Variants in SH3TC1 observed in about 807,000 individuals in gnomAD.
The protein encoded by SH3TC1 is SH3 domain and tetratricopeptide repeats 1, also known as SH3 domain and tetratricopeptide repeat-containing protein 1.
In SH3TC1, 135 loss-of-function variants were observed where a neutral mutation model predicts 117.3. The ratio of observed to expected loss-of-function variants is 1.15; its 90% CI spans 1.00 to 1.33. The LOEUF (loss-of-function observed/expected upper bound fraction) is 1.33, where lower values mean the gene tolerates loss of function less well. Ranked by LOEUF, SH3TC1 falls within the 40% of genes most tolerant of loss-of-function variation. SH3TC1 has a pLI of 0.00. For synonymous variants in SH3TC1, 898 were observed against 816.9 expected, an observed-to-expected ratio of 1.10 and a Z score of -1.69; for missense variants, 2,092 against 1,794.3, an observed-to-expected ratio of 1.17 and a Z score of -3.00.
chr4:8,203,985 G>A (rs879668694), intron 1 of SH3TC1, among the ~76,000 whole-genome samples: 38 of 152,200 alleles, frequency 2.5e-4, no homozygotes, highest in Non-Finnish European at 5.0e-4. Context: ...CCCCAGCCTC[G>A]TGGGCCCATC....
Position 8,228,016 on chromosome 4 carries a change from C to T in SH3TC1, c.2322C>T (p.Ala774=). 3 of 1,611,230 alleles carry T rather than the reference C, an allele frequency of 1.9e-6. No homozygotes were observed. Among genetic ancestry groups the T allele is most frequent in the Non-Finnish European group, 2.5e-6 (3 of 1,178,974 alleles). ...CCCACTACCTCAGGCAAGCGCTGGC[C>T]TCCCTGACCCCGGGCACAGGCCAGG... ...QTSHYLRQAL[A]SLTPGTGQAL... Residue 774 remains alanine (A), a synonymous_variant, in exon 12 of 18, where the codon GCC becomes GCT. Coordinates refer to ENST00000245105, the MANE Select transcript of SH3TC1 (RefSeq NM_018986.5).
chr4:8,194,346 C>A (rs567245869), upstream of SH3TC1, among the ~76,000 whole-genome samples: 1 of 152,324 alleles, frequency 6.6e-6, no homozygotes, highest in South Asian at 2.1e-4. Context: ...CAGAAAAAGT[C>A]TGAAGGCGCA....
At position 8,231,996 on chromosome 4, in the gene SH3TC1, C is replaced by T. The variant is rs761154989; in HGVS notation, c.2971C>T (p.Arg991Trp). The T allele has an allele frequency of 1.2e-4, 200 of 1,612,028 alleles. 2 individuals are homozygous for T. Among genetic ancestry groups the T allele is most frequent in the South Asian group, 1.0e-3 (94 of 91,082 alleles). ...HVESQLRAVQ[R>W]LCHFYSAVMP... Reference sequence around the variant, plus strand: ...CCCAGGCCAGCTGCGGGCCGTCCAGCGGCTGTGCCACTTCTACAGCGCCGT... The same window carrying T: ...CCCAGGCCAGCTGCGGGCCGTCCAGTGGCTGTGCCACTTCTACAGCGCCGT... The change falls in exon 13 of 18, where the codon CGG (arginine) becomes TGG (tryptophan). Residue 991 changes from arginine (R) to tryptophan (W), a missense_variant. Transcript: ENST00000245105.
At chr4:8,224,032 C>A (rs898104018) in intron 10 of SH3TC1, among the ~76,000 whole-genome samples, 2 of 120,548 alleles carry the variant, frequency 1.7e-5, no homozygotes, top group Admixed American at 1.8e-4. Context: ...TGCACACATG[C>A]ACTCACAAGT....
In SH3TC1 at chr4:8,228,564, C is replaced by G; in HGVS notation, c.2870C>G (p.Thr957Ser). ...CTCCTGCAGCTGGGCCATCTCTGCA[C>G]CCGCCAGGGCCCGGCCCAGCAGGGC... ...HVLLQLGHLC[T>S]RQGPAQQGKG... Residue 957 changes from threonine (T) to serine (S), a missense_variant, in exon 12 of 18, where the codon ACC becomes AGC. Coordinates refer to ENST00000245105, the MANE Select transcript of SH3TC1 (RefSeq NM_018986.5). 6.3e-7 allele frequency: 1 copy of G among 1,598,936 alleles called. No homozygotes were observed. The highest frequency in any genetic ancestry group is 8.5e-7 in the Non-Finnish European group (1 of 1,173,660).
chr4:8,217,585 G>A (rs1162886970), intron 7 of SH3TC1, among the ~76,000 whole-genome samples: 1 of 152,230 alleles, frequency 6.6e-6, no homozygotes, highest in African/African-American at 2.4e-5. Flanking sequence ...GAAGCGGGGG[G>A]CATTAACTTG....
intron 13 of SH3TC1, 82 bp from the exon 14 acceptor site, chr4:8,233,281 T>C: frequency 6.6e-7 from 1 of 1,515,578 alleles, no homozygotes; most frequent in Non-Finnish European, 8.8e-7. Flanking sequence ...TCCAGATTCA[T>C]CTGTCACCAG....
intron 13 of SH3TC1, chr4:8,232,460 A>T: frequency 6.8e-7 from 1 of 1,474,900 alleles, no homozygotes; most frequent in Non-Finnish European, 9.1e-7. Flanking sequence ...TGTTCTTCCT[A>T]CCTGGTGGCT....
chr4:8,205,790 T>C lies in SH3TC1; in HGVS notation c.172+424T>C, dbSNP rs1232275161. On this transcript the variant is annotated intron_variant, in intron 2 of 17. Transcript: ENST00000245105. This position sits in a 1 kb window ranked among gnomAD's most constrained non-coding sequence, Gnocchi z 5.4. Reference sequence around the variant, plus strand: ...AGGGCCGGGCCAGGCCACCCTGTGGTCAGGGGCCGGGCCAGGACGTGTGCC... The same window carrying C: ...AGGGCCGGGCCAGGCCACCCTGTGGCCAGGGGCCGGGCCAGGACGTGTGCC... The C allele has an allele frequency of 4.8e-6, 3 of 622,004 alleles. No homozygotes were observed. The highest frequency in any genetic ancestry group is 2.6e-5 in the Admixed American group (1 of 38,484). The allele number at this position is 622,004 out of a possible 1,614,324, so 38.5% of individuals were successfully genotyped here.
At chr4:8,217,265 G>GACAGACCT in intron 7 of SH3TC1, 98 bp downstream of exon 7, 1 of 1,463,438 alleles carries the variant, frequency 6.8e-7, no homozygotes, top group East Asian at 2.5e-5. Flanking sequence ...GGGAATGGTG[G>GACAGACCT]GGGCCCCGGA....
In SH3TC1 at chr4:8,236,321, C is replaced by T. The variant is rs112207455; in HGVS notation, c.3449C>T (p.Ala1150Val). The change falls in exon 16 of 18, where the codon GCG (alanine) becomes GTG (valine). Residue 1150 changes from alanine to valine, a missense_variant. Ala to Val is a moderately conservative substitution (Grantham distance 64, BLOSUM62 0). Transcript: ENST00000245105. Reference protein sequence around the residue: ...PLAVTTGNRKAELRLCNKLVA... With the variant: ...PLAVTTGNRKVELRLCNKLVA... ...GCAGTGACTACGGGCAACCGCAAGG[C>T]GGAGCTGCGGCTGTGCAACAAGCTG... is the stretch of plus-strand genomic sequence containing the variant. 6.4e-4 allele frequency: 1,001 copies of T among 1,554,360 alleles called. 3 individuals carry two copies. The highest frequency in any genetic ancestry group is 5.5e-3 in the African/African-American group (406 of 73,514).
chr4:8,194,523 G>T (rs1269084750), upstream of SH3TC1, among the ~76,000 whole-genome samples: 3 of 152,194 alleles, frequency 2.0e-5, no homozygotes, highest in Non-Finnish European at 4.4e-5. Context: ...TCTGGTCAGG[G>T]TGGCTTGTTT....
At chr4:8,224,752 C>A in intron 10 of SH3TC1, 1 of 178,550 alleles carries the variant, frequency 5.6e-6, no homozygotes, top group East Asian at 1.6e-4. Flanking sequence ...GGACTCAGAG[C>A]TGCTGCCTGT....
chr4:8,239,130 T>A (rs1722085642), intron 17 of SH3TC1, among the ~76,000 whole-genome samples: 1 of 152,196 alleles, frequency 6.6e-6, no homozygotes, highest in African/African-American at 2.4e-5. Flanking sequence ...TTAGTCTACA[T>A]GTGAGAGTGA....
In SH3TC1 at chr4:8,215,953, G is replaced by A. The variant is rs561252714; in HGVS notation, c.482-158G>A. On this transcript the variant is annotated intron_variant, in intron 5 of 17. Coordinates refer to ENST00000245105, the MANE Select transcript of SH3TC1 (RefSeq NM_018986.5). Reference sequence around the variant, plus strand: ...GTGGTCAGGCCGTGGGCTGCTGTGTGTAGCCAGCACTGTGGGCACCCCAGG... The same window carrying A: ...GTGGTCAGGCCGTGGGCTGCTGTGTATAGCCAGCACTGTGGGCACCCCAGG... Among the ~76,000 whole-genome samples the A allele has an allele frequency of 3.3e-3, 503 of 152,342 alleles. 1 individual carries two copies. The highest frequency in any genetic ancestry group is 6.8e-3 in the Middle Eastern group (2 of 294).
Position 8,235,454 on chromosome 4 carries a change from T to C in SH3TC1, c.3304T>C (p.Tyr1102His), listed in dbSNP as rs1721718922. The C allele has an allele frequency of 6.3e-7, 1 of 1,590,340 alleles. No homozygotes were observed. The change falls in exon 15 of 18, where the codon TAC (tyrosine) becomes CAC (histidine). Residue 1102 changes from tyrosine to histidine, a missense_variant. Coordinates refer to ENST00000245105, the MANE Select transcript of SH3TC1 (RefSeq NM_018986.5). ...YIQVAQNVAL[Y>H]TGDPNLGLEL... The stretch of plus-strand genomic sequence containing the variant: ...TCAGGTGGCACAGAACGTGGCCCTG[T>C]ACACAGGCGACCCCAACCTGGGGCT...
intron 10 of SH3TC1, among the ~76,000 whole-genome samples, chr4:8,223,710 G>A (rs370886474): frequency 2.3e-4 from 34 of 149,170 alleles, no homozygotes; most frequent in African/African-American, 7.2e-4. Context: ...TCGGCTCACT[G>A]CAACCTCTGC....
At position 8,225,125 on chromosome 4, in the gene SH3TC1, C is replaced by G. The variant is rs1469909392; in HGVS notation, c.1244-50C>G. The G allele has an allele frequency of 6.2e-7, 1 of 1,609,768 alleles. No individual in the cohort carries two copies. Among genetic ancestry groups the G allele is most frequent in the South Asian group, 1.1e-5 (1 of 90,468 alleles). The stretch of plus-strand genomic sequence containing the variant: ...ACACTAGCTCAACCTGGCAGGGGAC[C>G]AGAGGTACTGGCTGGGGGTGTTGAT... On this transcript the variant is annotated intron_variant, in intron 10 of 17. Coordinates refer to ENST00000245105, the MANE Select transcript of SH3TC1 (RefSeq NM_018986.5). The surrounding 1 kb of genome is among the most constrained non-coding windows in gnomAD (Gnocchi z 5.5).
rs574037284 is a variant in SH3TC1, at chr4:8,210,512, C to G, written c.247+690C>G. On this transcript the variant is annotated intron_variant, in intron 3 of 17. Coordinates refer to ENST00000245105, the MANE Select transcript of SH3TC1 (RefSeq NM_018986.5). This position sits in a 1 kb window ranked among gnomAD's most constrained non-coding sequence, Gnocchi z 4.1. The stretch of plus-strand genomic sequence containing the variant: ...GCAGGCTGGGCGCGGTGGCTCACGC[C>G]TGTAATCCCAGCACTTTGGGAGGCC... Among the ~76,000 whole-genome samples the G allele has an allele frequency of 2.4e-4, 36 of 152,322 alleles. No homozygotes were observed. The East Asian group carries it at 5.8e-3, about 25-fold the overall frequency.
Sources: allele counts gnomAD v4.1 joint callset (sites outside exome capture counted in the v4.1 genomes callset), GRCh38; gene constraint gnomAD v4.1.1; non-coding constraint Gnocchi (gnomAD v3.1); transcripts MANE v1.5; gene names NCBI Gene and HGNC (gene_info 2026-07-23, HGNC 2026-07-21).